CDH13: variants seen among roughly 807,000 people sequenced by gnomAD.
CDH13 encodes the protein cadherin 13.
A neutral mutation model predicts 63.8 loss-of-function variants in CDH13; 24 were observed. That is an observed-to-expected ratio of 0.38 (90% CI 0.27 to 0.53). The LOEUF (loss-of-function observed/expected upper bound fraction) is 0.53, where lower values mean the gene tolerates loss of function less well. CDH13 is among the 20% of genes least tolerant of loss of function. The pLI is 0.85. For missense variants in CDH13, 1,049 were observed against 903.1 expected, an observed-to-expected ratio of 1.16 and a Z score of -2.07; for synonymous variants, 503 against 355.3, an observed-to-expected ratio of 1.42 and a Z score of -4.67.
intron 1 of CDH13, among the ~76,000 whole-genome samples, chr16:82,834,845 T>C (rs1004278106): frequency 5.3e-5 from 8 of 152,336 alleles, no homozygotes; most frequent in African/African-American, 1.9e-4. Context: ...CAAGCTAAAA[T>C]GGTTTTTACA....
intron 2 of CDH13, among the ~76,000 whole-genome samples, chr16:82,860,174 T>A (rs915294672): frequency 1.3e-5 from 2 of 152,114 alleles, no homozygotes; most frequent in Admixed American, 6.5e-5. Flanking sequence ...TATGTTAACA[T>A]GCTTGGAAAT....
chr16:83,375,063 C>A (rs1238801192), intron 6 of CDH13, among the ~76,000 whole-genome samples: 1 of 152,092 alleles, frequency 6.6e-6, no homozygotes, highest in African/African-American at 2.4e-5. Context: ...GACAAATTTC[C>A]TCTCTTTAAG....
chr16:82,816,982 G>C (rs2037749848), intron 1 of CDH13, among the ~76,000 whole-genome samples: 1 of 152,036 alleles, frequency 6.6e-6, no homozygotes. Context: ...ACTTTTTACA[G>C]GGTCTCCCTT....
At chr16:83,456,893 C>G (rs1175535228) in intron 6 of CDH13, among the ~76,000 whole-genome samples, 3 of 152,078 alleles carry the variant, frequency 2.0e-5, no homozygotes, top group Non-Finnish European at 4.4e-5. Flanking sequence ...ACCTGGGAGG[C>G]GGATGTTGCA....
At chr16:83,107,975 CA>C (rs2034860609) in intron 3 of CDH13, among the ~76,000 whole-genome samples, 2 of 151,880 alleles carry the variant, frequency 1.3e-5, no homozygotes, top group African/African-American at 4.8e-5. Flanking sequence ...CCTGCCACCA[CA>C]GCCACCCAGC....
intron 2 of CDH13, among the ~76,000 whole-genome samples, chr16:82,860,102 C>T (rs1196069862): frequency 6.6e-6 from 1 of 151,968 alleles, no homozygotes; most frequent in South Asian, 2.1e-4. Context: ...TCTGGCTCTC[C>T]TCTCCTCTCT....
At chr16:82,687,624 C>A (rs926155945) in intron 1 of CDH13, among the ~76,000 whole-genome samples, 4 of 152,066 alleles carry the variant, frequency 2.6e-5, no homozygotes, top group Non-Finnish European at 5.9e-5. Flanking sequence ...ATGGGAAAAC[C>A]CTGCCCCCGA....
chr16:83,387,915 T>C (rs76878468), intron 6 of CDH13, among the ~76,000 whole-genome samples: 2 of 152,182 alleles, frequency 1.3e-5, no homozygotes, highest in Admixed American at 1.3e-4. Context: ...ACAAAGGACT[T>C]GAGTATTCAA....
intron 3 of CDH13, among the ~76,000 whole-genome samples, chr16:83,058,325 G>C (rs944689260): frequency 1.3e-5 from 2 of 152,180 alleles, no homozygotes; most frequent in Admixed American, 1.3e-4. Context: ...GCGCCTCCAC[G>C]TTTTGTTCAA....
At chr16:83,183,515 A>G (rs2038413629) in intron 4 of CDH13, among the ~76,000 whole-genome samples, 1 of 152,260 alleles carries the variant, frequency 6.6e-6, no homozygotes, top group Non-Finnish European at 1.5e-5. Flanking sequence ...ATCCCATAAT[A>G]TCACCATAGC....
intron 2 of CDH13, among the ~76,000 whole-genome samples, chr16:82,949,263 G>A (rs1905056130): frequency 6.6e-6 from 1 of 152,164 alleles, no homozygotes; most frequent in Admixed American, 6.6e-5. Flanking sequence ...GGCAGCCCCA[G>A]GTGTTCCTTG....
At chr16:82,724,345 T>G (rs2151026125) in intron 1 of CDH13, among the ~76,000 whole-genome samples, 1 of 152,248 alleles carries the variant, frequency 6.6e-6, no homozygotes, top group South Asian at 2.1e-4. Flanking sequence ...ATAGTTGTCT[T>G]TTGTCAAATG....
At chr16:83,662,841 G>C (rs1913566838) in intron 8 of CDH13, among the ~76,000 whole-genome samples, 1 of 152,172 alleles carries the variant, frequency 6.6e-6, no homozygotes, top group South Asian at 2.1e-4. Flanking sequence ...TGAGGTTGTT[G>C]ATGGGAACAG....
intron 7 of CDH13, among the ~76,000 whole-genome samples, chr16:83,501,990 C>G (rs772814787): frequency 6.6e-6 from 1 of 152,174 alleles, no homozygotes; most frequent in South Asian, 2.1e-4. Context: ...AATCTGAGCT[C>G]TGCATCTTAT....
intron 6 of CDH13, among the ~76,000 whole-genome samples, chr16:83,459,777 G>C (rs1025633043): frequency 2.0e-5 from 3 of 152,212 alleles, no homozygotes; most frequent in African/African-American, 7.2e-5. Context: ...GAAGGATCTA[G>C]AAACTACATA....
Position 83,216,443 on chromosome 16 carries a change from T to TATATATAC in CDH13, c.484-901_484-900insTATATACA, listed in dbSNP as rs1472700247. Among the ~76,000 whole-genome samples the TATATATAC allele has an allele frequency of 5.1e-3, 473 of 93,410 alleles. 28 individuals carry two copies. The highest frequency in any genetic ancestry group is 0.01 in the African/African-American group (258 of 25,372). The allele number at this position is 93,410 out of a possible 152,430, so 61.3% of individuals were successfully genotyped here. On this transcript the variant is annotated intron_variant, in intron 4 of 13. Transcript: ENST00000567109. ...ATATATATATATATATATATATATATACACAACCCTAATTTGAGGTTTATA... is the reference window on the plus strand; with the variant it reads ...ATATATATATATATATATATATATATATATATACACACAACCCTAATTTGAGGTTTATA...
At chr16:83,151,301 A>T (rs1030710002) in intron 4 of CDH13, among the ~76,000 whole-genome samples, 15 of 152,206 alleles carry the variant, frequency 9.9e-5, no homozygotes, top group African/African-American at 3.6e-4. Flanking sequence ...GCTTTAATGA[A>T]GATTTCCAGA....
chr16:83,392,592 C>T (rs17285382), intron 6 of CDH13, among the ~76,000 whole-genome samples: 73,940 of 151,976 alleles, frequency 0.49, 19,271 homozygotes, highest in East Asian at 0.76. Flanking sequence ...GGTGTGCACA[C>T]AGAAGGTACT....
chr16:82,837,943 T>C (rs1039574553), intron 1 of CDH13, among the ~76,000 whole-genome samples: 1 of 152,204 alleles, frequency 6.6e-6, no homozygotes, highest in African/African-American at 2.4e-5. Context: ...CTTTCCAACA[T>C]TGCAGTCTGC....
Sources: gnomAD v4.1 joint callset for allele counts (sites outside exome capture counted in the v4.1 genomes callset) on GRCh38, gnomAD v4.1.1 for gene constraint, MANE v1.5 for transcripts, NCBI Gene and HGNC (gene_info 2026-07-23, HGNC 2026-07-21) for gene names.